Variants in SPATA31A6 observed in about 807,000 individuals in gnomAD.
The protein encoded by SPATA31A6 is SPATA31 subfamily A member 6.
SPATA31A6 carries 9 observed loss-of-function variants against 11.9 expected under a neutral mutation model. That is an observed-to-expected ratio of 0.76 (90% CI 0.46 to 1.32). The LOEUF (loss-of-function observed/expected upper bound fraction) is 1.32, where lower values mean the gene tolerates loss of function less well. Among genes scored for constraint, SPATA31A6 ranks in the 40% most tolerant of loss-of-function variants. The pLI is 0.00. For synonymous variants in SPATA31A6, 314 were observed against 572.1 expected, an observed-to-expected ratio of 0.55 and a Z score of 6.44; for missense variants, 855 against 1,467.3, an observed-to-expected ratio of 0.58 and a Z score of 6.82.
rs71364261 is a variant in SPATA31A6 at position 42,184,439 on chromosome 9, C to CTGTGTGTGTG, written c.190-596_190-587dup. 2.2e-3 allele frequency among the ~76,000 whole-genome samples: 220 copies of CTGTGTGTGTG among 102,052 alleles called. 16 individuals carry two copies. The highest frequency in any genetic ancestry group is 8.8e-3 in the African/African-American group (201 of 22,814). The allele number at this position is 102,052 out of a possible 152,430, so 67.0% of individuals were successfully genotyped here. ...GGTGGACCTCATATTGAAAATCCCTCTGTGTGTGTGTGTGTGTGTGTGTGT... is the reference window on the plus strand; with the variant it reads ...GGTGGACCTCATATTGAAAATCCCTCTGTGTGTGTGTGTGTGTGTGTGTGTGTGTGTGTGT... On this transcript the variant is annotated intron_variant, in intron 1 of 3. Coordinates refer to ENST00000332857, the MANE Select transcript of SPATA31A6 (RefSeq NM_001145196.1).
At position 42,186,756 on chromosome 9, in the gene SPATA31A6, A is replaced by T. The variant is rs199712316; in HGVS notation, c.1054A>T (p.Asn352Tyr). The T allele has an allele frequency of 2.6e-6, 4 of 1,527,630 alleles. No individual in the cohort carries two copies. Among genetic ancestry groups the T allele is most frequent in the Non-Finnish European group, 3.5e-6 (4 of 1,136,586 alleles). The allele number at this position is 1,527,630 out of a possible 1,614,324, so 94.6% of individuals were successfully genotyped here. A position where few individuals can be genotyped will look rare whatever the true frequency, so the allele number is the denominator to read the frequency against. The change falls in exon 4 of 4, where the codon AAT becomes TAT. Residue 352 changes from asparagine (N) to tyrosine (Y), a missense_variant. By Grantham distance (143) the Asn-to-Tyr change is moderately radical. Transcript: ENST00000332857. ...EEKENVGSFT[N>Y]QMTPEKHLNS... ...AAAAGAAAATGTTGGATCATTTACA[A>T]ATCAAATGACCCCAGAAAAGCACTT...
At chr9:42,185,003 C>T in intron 1 of SPATA31A6, 66 bp from the exon 2 acceptor site, 1 of 1,498,138 alleles carries the variant, frequency 6.7e-7, no homozygotes, top group Non-Finnish European at 9.1e-7. Context: ...CTCGCCCTTT[C>T]TTGTCTCCCA....
intron 1 of SPATA31A6, 58 bp from the exon 2 acceptor site, chr9:42,185,011 C>T: frequency 6.6e-7 from 1 of 1,521,786 alleles, no homozygotes; most frequent in Non-Finnish European, 8.9e-7. Flanking sequence ...TTCTTGTCTC[C>T]CATTGTCATC....
Position 42,183,740 on chromosome 9 carries a change from C to T in SPATA31A6, c.53C>T (p.Ala18Val), listed in dbSNP as rs771272499. ...LKLLSASSLN[A>V]PSSTPWVLDI... The stretch of plus-strand genomic sequence containing the variant: ...TTACTTAGTGCCTCATCGCTAAACG[C>T]CCCCAGCTCCACACCATGGGTGTTG... Residue 18 changes from alanine (A) to valine (V), a missense_variant, in exon 1 of 4, where the codon GCC becomes GTC. Transcript: ENST00000332857. The T allele has an allele frequency of 7.2e-6, 11 of 1,535,028 alleles. 1 individual carries two copies. The highest frequency in any genetic ancestry group is 4.8e-5 in the African/African-American group (3 of 61,866).
Position 42,186,486 on chromosome 9 carries a change from G to T in SPATA31A6, c.784G>T (p.Ala262Ser). ...CTTGTCTCCACATGAGGATTTGGTG[G>T]CTTCTGTCCCAGCCATCTCAGGCCT... is the stretch of plus-strand genomic sequence containing the variant. The part of the protein sequence containing the change: ...QSLSPHEDLV[A>S]SVPAISGLGG... Residue 262 changes from alanine (A) to serine (S), a missense_variant, in exon 4 of 4, where the codon GCT becomes TCT. By Grantham distance (99) the Ala-to-Ser change is moderately conservative. Coordinates refer to ENST00000332857, the MANE Select transcript of SPATA31A6 (RefSeq NM_001145196.1). 3.3e-6 allele frequency: 5 copies of T among 1,498,604 alleles called. 1 individual carries two copies. In the South Asian group the frequency reaches 3.5e-5, roughly 10 times the overall value. 92.8% of individuals were successfully genotyped at this position (1,498,604 alleles called of 1,614,324 possible).
At chr9:42,183,897 A>G (rs1038405458) in intron 1 of SPATA31A6, 21 bp downstream of exon 1, 1 of 1,527,690 alleles carries the variant, frequency 6.5e-7, no homozygotes, top group Non-Finnish European at 8.8e-7. Context: ...CTCAGTCCCG[A>G]CCCACAGAGC....
rs569306101 is a variant in SPATA31A6, at chr9:42,187,183, A to T, written c.1481A>T (p.Glu494Val). ...QFLPTPMAQAEAQAHLQSSFP... is the reference protein window; with the variant it reads ...QFLPTPMAQAVAQAHLQSSFP... Reference sequence around the variant, plus strand: ...CTGCCCACACCTATGGCTCAGGCCGAGGCTCAGGCCCATCTTCAGTCTTCT... The same window carrying T: ...CTGCCCACACCTATGGCTCAGGCCGTGGCTCAGGCCCATCTTCAGTCTTCT... Residue 494 changes from glutamate to valine, a missense_variant, in exon 4 of 4, where the codon GAG becomes GTG. Coordinates refer to ENST00000332857, the MANE Select transcript of SPATA31A6 (RefSeq NM_001145196.1). 331 of 1,542,958 alleles carry T rather than the reference A, an allele frequency of 2.1e-4. 53 individuals are homozygous for T. Among genetic ancestry groups the T allele is most frequent in the South Asian group, 1.3e-3 (115 of 86,440 alleles).
At position 42,184,925 on chromosome 9, in the gene SPATA31A6, T is replaced by C. The variant is rs193293054; in HGVS notation, c.190-144T>C. On this transcript the variant is annotated intron_variant, in intron 1 of 3. Transcript: ENST00000332857. ...AGCTCCCTGAGCAAGACAGAGAGAG[T>C]CATGCGGTTCCTGAGTGCAGCATGC... is the stretch of plus-strand genomic sequence containing the variant. The C allele has an allele frequency of 8.1e-4, 1,142 of 1,402,278 alleles. 199 individuals carry two copies. The highest frequency in any genetic ancestry group is 7.1e-3 in the South Asian group (562 of 78,842). 86.9% of individuals were successfully genotyped at this position (1,402,278 alleles called of 1,614,324 possible).
Position 42,183,756 on chromosome 9 carries a change from A to G in SPATA31A6, c.69A>G (p.Pro23=). 6.5e-7 allele frequency: 1 copy of G among 1,535,076 alleles called. No individual in the cohort carries two copies. Among genetic ancestry groups the G allele is most frequent in the Non-Finnish European group, 8.8e-7 (1 of 1,137,616 alleles). ...CGCTAAACGCCCCCAGCTCCACACC[A>G]TGGGTGTTGGATATCTTCCTCACCT... ...ASSLNAPSST[P]WVLDIFLTLV... is the part of the protein sequence containing the mutation. Residue 23 remains proline, a synonymous_variant, in exon 1 of 4, where the codon CCA becomes CCG. Transcript: ENST00000332857.
Position 42,183,858 on chromosome 9 carries a change from A to G in SPATA31A6, c.171A>G (p.Pro57=). 1 of 1,531,730 alleles carries G rather than the reference A, an allele frequency of 6.5e-7. No homozygotes were observed. Among genetic ancestry groups the G allele is most frequent in the Non-Finnish European group, 8.8e-7 (1 of 1,137,598 alleles). 94.9% of individuals were successfully genotyped at this position (1,531,730 alleles called of 1,614,324 possible). A position where few individuals can be genotyped will look rare whatever the true frequency, so the allele number is the denominator to read the frequency against. Residue 57 remains proline (P), a synonymous_variant, in exon 1 of 4, where the codon CCA becomes CCG. Transcript: ENST00000332857. ...TCCATTGTGATGACCCACCCTCACC[A>G]TCGCCTGGGAAGAGAAAGGTAAGGA... The part of the protein sequence containing the change: ...SYFHCDDPPS[P]SPGKRKCPVG...
Position 42,189,247 on chromosome 9 carries a change from C to T in SPATA31A6, c.3545C>T (p.Thr1182Ile). 1.8e-5 allele frequency: 28 copies of T among 1,554,954 alleles called. 4 individuals are homozygous for T. Among genetic ancestry groups the T allele is most frequent in the Non-Finnish European group, 2.2e-5 (25 of 1,146,466 alleles). ...AAAAAAAGCAAGCCAGCACCAGTCA[C>T]TGCTGAGAGCCAAAAAACAGTAAAA... ...SKKKSKPAPV[T>I]AESQKTVKNR... Residue 1182 changes from threonine (T) to isoleucine (I), a missense_variant, in exon 4 of 4, where the codon ACT (threonine) becomes ATT (isoleucine). Transcript: ENST00000332857.
Position 42,187,950 on chromosome 9 carries a change from T to G in SPATA31A6, c.2248T>G (p.Trp750Gly). The G allele has an allele frequency of 1.1e-6, 1 of 937,986 alleles. No homozygotes were observed. Among genetic ancestry groups the G allele is most frequent in the South Asian group, 1.7e-5 (1 of 59,936 alleles). 58.1% of individuals were successfully genotyped at this position (937,986 alleles called of 1,614,324 possible). The change falls in exon 4 of 4, where the codon TGG (tryptophan) becomes GGG (glycine). Residue 750 changes from tryptophan (W) to glycine (G), a missense_variant. Trp to Gly is a radical substitution (Grantham distance 184). Transcript: ENST00000332857. ...GLIPVRVRRS[W>G]LAVNQALPVS... Reference sequence around the variant, plus strand: ...GATCCCCGTGCGTGTGCGTCGATCCTGGCTTGCTGTCAACCAGGCTCTTCC... The same window carrying G: ...GATCCCCGTGCGTGTGCGTCGATCCGGGCTTGCTGTCAACCAGGCTCTTCC...
chr9:42,185,029 T>C lies in SPATA31A6; in HGVS notation c.190-40T>C, dbSNP rs766884847. The C allele has an allele frequency of 2.0e-6, 3 of 1,532,594 alleles. 1 individual carries two copies. In the South Asian group the frequency reaches 3.5e-5, roughly 18 times the overall value. The allele number at this position is 1,532,594 out of a possible 1,614,324, so 94.9% of individuals were successfully genotyped here. A position where few individuals can be genotyped will look rare whatever the true frequency, so the allele number is the denominator to read the frequency against. On this transcript the variant is annotated intron_variant, in intron 1 of 3. Transcript: ENST00000332857. ...TTGTCTCCCATTGTCATCTTGTCTC[T>C]CCGCGTCATCTTGTCTCCGTACGTC...
rs1563897520 is a variant in SPATA31A6 at position 42,186,495 on chromosome 9, C to T, written c.793C>T (p.Pro265Ser). Residue 265 changes from proline (P) to serine (S), a missense_variant, in exon 4 of 4, where the codon CCA becomes TCA. Coordinates refer to ENST00000332857, the MANE Select transcript of SPATA31A6 (RefSeq NM_001145196.1). ...SPHEDLVASVPAISGLGGSNS... is the reference protein window; with the variant it reads ...SPHEDLVASVSAISGLGGSNS... ...ACATGAGGATTTGGTGGCTTCTGTC[C>T]CAGCCATCTCAGGCCTTGGTGGCTC... 6.6e-7 allele frequency: 1 copy of T among 1,506,774 alleles called. No individual in the cohort carries two copies. Among genetic ancestry groups the T allele is most frequent in the Non-Finnish European group, 8.9e-7 (1 of 1,129,826 alleles). The allele number at this position is 1,506,774 out of a possible 1,614,324, so 93.3% of individuals were successfully genotyped here.
rs199883005 is a variant in SPATA31A6, at chr9:42,187,171, T to C, written c.1469T>C (p.Met490Thr). ...ACACCCCAATTCCTGCCCACACCTA[T>C]GGCTCAGGCCGAGGCTCAGGCCCAT... ...SSTPQFLPTP[M>T]AQAEAQAHLQ... The change falls in exon 4 of 4, where the codon ATG (methionine) becomes ACG (threonine). Residue 490 changes from methionine to threonine, a missense_variant. Transcript: ENST00000332857. 6 of 1,543,180 alleles carry C rather than the reference T, an allele frequency of 3.9e-6. 1 individual carries two copies. Among genetic ancestry groups the C allele is most frequent in the Non-Finnish European group, 5.3e-6 (6 of 1,137,962 alleles).
At position 42,189,006 on chromosome 9, in the gene SPATA31A6, C is replaced by T. The variant is rs762090931; in HGVS notation, c.3304C>T (p.Pro1102Ser). ...SCKSQRPMFPPIHKSEKSRKP... is the reference protein window; with the variant it reads ...SCKSQRPMFPSIHKSEKSRKP... ...CAAGAGCCAAAGGCCAATGTTTCCC[C>T]CTATTCACAAGAGTGAGAAGTCTAG... The change falls in exon 4 of 4, where the codon CCT becomes TCT. Residue 1102 changes from proline to serine, a missense_variant. Physicochemically the swap from Pro to Ser is moderately conservative, Grantham distance 74. Transcript: ENST00000332857. 17 of 1,551,912 alleles carry T rather than the reference C, an allele frequency of 1.1e-5. 2 individuals are homozygous for T. Among genetic ancestry groups the T allele is most frequent in the South Asian group, 6.9e-5 (6 of 87,514 alleles).
rs755173401 is a variant in SPATA31A6, at chr9:42,183,762, G to T, written c.75G>T (p.Val25=). Residue 25 remains valine, a synonymous_variant, in exon 1 of 4, where the codon GTG becomes GTT. Transcript: ENST00000332857. The part of the protein sequence containing the change: ...SLNAPSSTPW[V]LDIFLTLVFA... ...ACGCCCCCAGCTCCACACCATGGGT[G>T]TTGGATATCTTCCTCACCTTGGTGT... 6.8e-5 allele frequency: 105 copies of T among 1,536,090 alleles called. 16 individuals are homozygous for T. Among genetic ancestry groups the T allele is most frequent in the Non-Finnish European group, 5.3e-6 (6 of 1,138,022 alleles).
chr9:42,187,250 C>A lies in SPATA31A6; in HGVS notation c.1548C>A (p.Asn516Lys), dbSNP rs1563898209. 3.2e-6 allele frequency: 5 copies of A among 1,542,928 alleles called. No individual in the cohort carries two copies. The highest frequency in any genetic ancestry group is 4.4e-6 in the Non-Finnish European group (5 of 1,138,156). The change falls in exon 4 of 4, where the codon AAC becomes AAA. Residue 516 changes from asparagine (N) to lysine (K), a missense_variant. Asn to Lys is a moderately conservative substitution (Grantham distance 94). Coordinates refer to ENST00000332857, the MANE Select transcript of SPATA31A6 (RefSeq NM_001145196.1). ...CTGCTTTTCCATCCCTGATTAAGAACACTGGAGTAGCTTGCCCTGCATCGC... is the reference window on the plus strand; with the variant it reads ...CTGCTTTTCCATCCCTGATTAAGAAAACTGGAGTAGCTTGCCCTGCATCGC... ...LSPAFPSLIK[N>K]TGVACPASQN...
rs746044016 is a variant in SPATA31A6 at position 42,183,900 on chromosome 9, C to T, written c.189+24C>T. 41 of 1,528,100 alleles carry T rather than the reference C, an allele frequency of 2.7e-5. 5 individuals are homozygous for T. Among genetic ancestry groups the T allele is most frequent in the Non-Finnish European group, 3.5e-5 (40 of 1,136,674 alleles). 94.7% of individuals were successfully genotyped at this position (1,528,100 alleles called of 1,614,324 possible). On this transcript the variant is annotated intron_variant, in intron 1 of 3. Transcript: ENST00000332857. ...AGGTAAGGAACCCTCAGTCCCGACC[C>T]ACAGAGCTTGATTCTCTCCTTTCTT...
Sources: allele counts gnomAD v4.1 joint callset (sites outside exome capture counted in the v4.1 genomes callset), GRCh38; gene constraint gnomAD v4.1.1; transcripts MANE v1.5; gene names NCBI Gene and HGNC (gene_info 2026-07-23, HGNC 2026-07-21).